Variants in CDH13 observed in about 807,000 individuals in gnomAD.
CDH13 encodes the protein cadherin-13.
In CDH13, 24 loss-of-function variants were observed where a neutral mutation model predicts 63.8. The ratio of observed to expected loss-of-function variants is 0.38; its 90% CI spans 0.27 to 0.53. The LOEUF (loss-of-function observed/expected upper bound fraction) is 0.53. CDH13 is among the 20% of genes least tolerant of loss of function. The pLI is 0.85. For missense variants in CDH13, 1,049 were observed against 903.1 expected (o/e 1.16, Z -2.07); for synonymous variants, 503 against 355.3 (o/e 1.42, Z -4.67).
At chr16:83,399,400 T>G (rs747084507) in intron 6 of CDH13, among the ~76,000 whole-genome samples, 13 of 152,208 alleles carry the variant, frequency 8.5e-5, no homozygotes, top group Non-Finnish European at 1.8e-4. Flanking sequence ...AGATAGATCT[T>G]AAGAAAAATT....
intron 1 of CDH13, among the ~76,000 whole-genome samples, chr16:82,791,009 G>A (rs2036270541): frequency 6.6e-6 from 1 of 152,096 alleles, no homozygotes; most frequent in African/African-American, 2.4e-5. Context: ...AGGCCGAGGC[G>A]GGCAGATCAC....
intron 3 of CDH13, among the ~76,000 whole-genome samples, chr16:83,078,606 A>G (rs541752327): frequency 1.3e-4 from 20 of 152,312 alleles, no homozygotes; most frequent in Non-Finnish European, 2.4e-4. Context: ...GTACCGGTCC[A>G]TGGCCGAGGA....
At chr16:82,835,395 T>A (rs2038723885) in intron 1 of CDH13, among the ~76,000 whole-genome samples, 1 of 152,224 alleles carries the variant, frequency 6.6e-6, no homozygotes. Context: ...CACCTGGATT[T>A]AAACTCCAAA....
chr16:83,196,178 C>T (rs566718906), intron 4 of CDH13, among the ~76,000 whole-genome samples: 2 of 152,242 alleles, frequency 1.3e-5, no homozygotes, highest in African/African-American at 2.4e-5. Flanking sequence ...ATCACTTGAA[C>T]CCGGGAGGCG....
chr16:83,106,606 T>C (rs996259995), intron 3 of CDH13, among the ~76,000 whole-genome samples: 2 of 152,156 alleles, frequency 1.3e-5, no homozygotes, highest in Non-Finnish European at 2.9e-5. Flanking sequence ...ATTTAATACA[T>C]GTTGATACAT....
chr16:83,192,263 G>C (rs2038742751), intron 4 of CDH13, among the ~76,000 whole-genome samples: 2 of 152,146 alleles, frequency 1.3e-5, no homozygotes, highest in African/African-American at 2.4e-5. Flanking sequence ...TGACCTTCAT[G>C]CCCACAGTAT....
At chr16:83,434,339 A>C (rs2072219415) in intron 6 of CDH13, among the ~76,000 whole-genome samples, 1 of 152,120 alleles carries the variant, frequency 6.6e-6, no homozygotes, top group South Asian at 2.1e-4. Flanking sequence ...CTTGGCTCTG[A>C]ACCTACTTCC....
rs542873371 is a variant in CDH13 at position 82,898,490 on chromosome 16, C to G, written c.157+40017C>G. 1.7e-4 allele frequency among the ~76,000 whole-genome samples: 26 copies of G among 152,276 alleles called. 1 individual carries two copies. In the South Asian group the frequency reaches 4.8e-3, roughly 28 times the overall value. On this transcript the variant is annotated intron_variant, in intron 2 of 13. Coordinates refer to ENST00000567109, the MANE Select transcript of CDH13 (RefSeq NM_001257.5). ...CAGTGAGCCAAGATCTCGCCACTGC[C>G]CTACAGCTTGGGAGACAGATTGAGA...
intron 2 of CDH13, among the ~76,000 whole-genome samples, chr16:82,966,797 CTCA>C (rs1485069973): frequency 6.6e-6 from 1 of 152,190 alleles, no homozygotes; most frequent in African/African-American, 2.4e-5. Context: ...CCCTTTTCCC[CTCA>C]TCTTCAGTGT....
At chr16:83,602,390 A>C (rs1184579297) in intron 7 of CDH13, 64 bp from the exon 8 acceptor site, 2 of 1,565,526 alleles carry the variant, frequency 1.3e-6, no homozygotes, top group African/African-American at 2.7e-5. Flanking sequence ...CACGCCTGCC[A>C]CCTTTCCAAA....
intron 4 of CDH13, among the ~76,000 whole-genome samples, chr16:83,168,659 A>G (rs1403647221): frequency 4.1e-5 from 6 of 147,342 alleles, no homozygotes; most frequent in East Asian, 2.0e-4. Flanking sequence ...TTCTGATAAC[A>G]TATTGGTGCT....
At position 83,098,190 on chromosome 16, in the gene CDH13, G is replaced by A. The variant is rs548821747; in HGVS notation, c.367-27195G>A. 2.6e-5 allele frequency among the ~76,000 whole-genome samples: 4 copies of A among 152,188 alleles called. No homozygotes were observed. In the East Asian group the frequency reaches 5.8e-4, roughly 22 times the overall value. ...CATCCTAGTGGTTGCTTTAGAATTTGTAGTATACATCTTTAACTTATCACA... is the reference window on the plus strand; with the variant it reads ...CATCCTAGTGGTTGCTTTAGAATTTATAGTATACATCTTTAACTTATCACA... On this transcript the variant is annotated intron_variant, in intron 3 of 13. Coordinates refer to ENST00000567109, the MANE Select transcript of CDH13 (RefSeq NM_001257.5).
chr16:82,872,553 G>A (rs2040375551), intron 2 of CDH13, among the ~76,000 whole-genome samples: 1 of 152,224 alleles, frequency 6.6e-6, no homozygotes, highest in Admixed American at 6.5e-5. Flanking sequence ...AATAGGCTGA[G>A]AAAGCAGAAG....
At chr16:83,284,976 C>G (rs956482385) in intron 5 of CDH13, among the ~76,000 whole-genome samples, 2 of 152,134 alleles carry the variant, frequency 1.3e-5, no homozygotes, top group Non-Finnish European at 2.9e-5. Flanking sequence ...ATCTAGCCAG[C>G]TTCTATACAC....
intron 8 of CDH13, among the ~76,000 whole-genome samples, chr16:83,630,621 A>G (rs722939): frequency 0.12 from 18,187 of 152,164 alleles, 1,145 homozygotes; most frequent in African/African-American, 0.14. Context: ...TACGTAAACA[A>G]TCAGACTGAG....
intron 1 of CDH13, among the ~76,000 whole-genome samples, chr16:82,770,396 C>G (rs1434659759): frequency 6.6e-6 from 1 of 152,134 alleles, no homozygotes; most frequent in Non-Finnish European, 1.5e-5. Flanking sequence ...GTTTGCAGTC[C>G]AATTATAATG....
At chr16:82,662,816 G>A (rs1260317590) in intron 1 of CDH13, among the ~76,000 whole-genome samples, 1 of 152,188 alleles carries the variant, frequency 6.6e-6, no homozygotes, top group Admixed American at 6.5e-5. Context: ...CCATTTAGAA[G>A]ATCAATGAGA....
chr16:82,634,744 A>G (rs1908442998), intron 1 of CDH13, among the ~76,000 whole-genome samples: 1 of 152,222 alleles, frequency 6.6e-6, no homozygotes, highest in South Asian at 2.1e-4. Flanking sequence ...ACAGCCAAAG[A>G]GGCTTCTGGG....
rs189604696 is a variant in CDH13, at chr16:82,996,615, A to T, written c.158-35395A>T. Among the ~76,000 whole-genome samples the T allele has an allele frequency of 1.9e-3, 291 of 152,330 alleles. 2 individuals are homozygous for T. The highest frequency in any genetic ancestry group is 0.017 in the Middle Eastern group (5 of 294). Reference sequence around the variant, plus strand: ...ACCTTGTTTAAGTTTTACGCCTTATAAGGGGGCAATGTTAGCCTTGTAATA... The same window carrying T: ...ACCTTGTTTAAGTTTTACGCCTTATTAGGGGGCAATGTTAGCCTTGTAATA... On this transcript the variant is annotated intron_variant, in intron 2 of 13. Transcript: ENST00000567109.
Sources: allele counts gnomAD v4.1 joint callset (sites outside exome capture counted in the v4.1 genomes callset), GRCh38; gene constraint gnomAD v4.1.1; transcripts MANE v1.5; gene names NCBI Gene and HGNC (gene_info 2026-07-23, HGNC 2026-07-21).